MYH2: variants seen among roughly 807,000 people sequenced by gnomAD.
MYH2 encodes the protein myosin-2.
In MYH2, 139 loss-of-function variants were observed where a neutral mutation model predicts 228.1. The ratio of observed to expected loss-of-function variants is 0.61; its 90% CI spans 0.53 to 0.70. The LOEUF (loss-of-function observed/expected upper bound fraction) is 0.70. Among genes scored for constraint, MYH2 ranks in the 30% least tolerant of loss-of-function variants. The pLI, the probability that MYH2 is intolerant of heterozygous loss-of-function variation, is 0.00. For synonymous variants in MYH2, 796 were observed against 871.1 expected (o/e 0.91, Z 1.52); for missense variants, 1,809 against 2,357.5 (o/e 0.77, Z 4.82).
In MYH2 at chr17:10,537,507, G is replaced by A. The variant is rs764452246; in HGVS notation, c.1623C>T (p.Cys541=). Residue 541 remains cysteine (C), a synonymous_variant, in exon 16 of 40, where the codon TGC becomes TGT. Coordinates refer to ENST00000245503, the MANE Select transcript of MYH2 (RefSeq NM_017534.6). This position sits in a 1 kb window ranked among gnomAD's most constrained non-coding sequence, Gnocchi z 4.0. ...AGGTGTCTGTTGCCTTAGGGAACAT[G>A]CACTCCTCTTCCAGGATGGAGAAGA... ...MGIFSILEEE[C]MFPKATDTSF... 1.2e-6 allele frequency: 2 copies of A among 1,614,220 alleles called. No homozygotes were observed. The highest frequency in any genetic ancestry group is 2.2e-5 in the East Asian group (1 of 44,886).
Position 10,533,430 on chromosome 17 carries a change from G to A in MYH2, c.2305-9C>T, listed in dbSNP as rs758758278. 6.2e-7 allele frequency: 1 copy of A among 1,614,118 alleles called. No individual in the cohort carries two copies. The highest frequency in any genetic ancestry group is 2.2e-5 in the East Asian group (1 of 44,878). On this transcript the variant is annotated splice_polypyrimidine_tract_variant and intron_variant, in intron 20 of 39. Transcript: ENST00000245503. ...CCAGCTTTGAAAAAGACCTGTGAAT[G>A]GAAAGAGTTGCAAATCACAAGCTTT...
At position 10,525,009 on chromosome 17, in the gene MYH2, T is replaced by C. The variant is rs758644820; in HGVS notation, c.4719A>G (p.Gln1573=). 6.2e-7 allele frequency: 1 copy of C among 1,614,132 alleles called. No homozygotes were observed. The highest frequency in any genetic ancestry group is 1.1e-5 in the South Asian group (1 of 91,078). ...KILRIQLELN[Q]VKSEVDRKIA... The stretch of plus-strand genomic sequence containing the variant: ...TTTTCCTATCAACCTCAGACTTGAC[T>C]TGGTTCAACTCAAGCTGGATGCGCA... Residue 1573 remains glutamine, a synonymous_variant, in exon 34 of 40, where the codon CAA becomes CAG. Coordinates refer to ENST00000245503, the MANE Select transcript of MYH2 (RefSeq NM_017534.6). This position sits in a 1 kb window ranked among gnomAD's most constrained non-coding sequence, Gnocchi z 4.2.
chr17:10,536,477 G>A, intron 17 of MYH2, 53 bp downstream of exon 17: 1 of 1,492,204 alleles, frequency 6.7e-7, no homozygotes, highest in Admixed American at 1.7e-5. Flanking sequence ...ACAGACCCAT[G>A]TAAAAAAAAT....
chr17:10,543,560 G>C, intron 8 of MYH2, 151 bp downstream of exon 8: 1 of 1,188,592 alleles, frequency 8.4e-7, no homozygotes, highest in Non-Finnish European at 1.2e-6. Flanking sequence ...TCAAGATGGG[G>C]CTTTGATCTA....
Position 10,535,096 on chromosome 17 carries a change from G to A in MYH2, c.2157C>T (p.Ile719=), listed in dbSNP as rs1248599706. 2 of 1,614,104 alleles carry A rather than the reference G, an allele frequency of 1.2e-6. No homozygotes were observed. The highest frequency in any genetic ancestry group is 1.1e-5 in the South Asian group (1 of 91,090). The change falls in exon 19 of 40, where the codon ATC becomes ATT. Residue 719 remains isoleucine (I), a synonymous_variant. Transcript: ENST00000245503. ...ACCTCTGTTTGAAGTCTGCATAAAGGATTCTGCTTGGAAATCCTTTCCTAC... is the reference window on the plus strand; with the variant it reads ...ACCTCTGTTTGAAGTCTGCATAAAGAATTCTGCTTGGAAATCCTTTCCTAC... ...RICRKGFPSR[I]LYADFKQRYK...
chr17:10,537,418 A>G lies in MYH2; in HGVS notation c.1712T>C (p.Val571Ala). 1.2e-6 allele frequency: 2 copies of G among 1,614,050 alleles called. No individual in the cohort carries two copies. The highest frequency in any genetic ancestry group is 1.7e-6 in the Non-Finnish European group (2 of 1,180,008). ...GTGGGCCTCGGCCTTGCCTTTGACCACCTTGGGCTTCTGGAAGTTGGCAGA... is the reference window on the plus strand; with the variant it reads ...GTGGGCCTCGGCCTTGCCTTTGACCGCCTTGGGCTTCTGGAAGTTGGCAGA... ...GKSANFQKPKVVKGKAEAHFA... is the reference protein window; with the variant it reads ...GKSANFQKPKAVKGKAEAHFA... Residue 571 changes from valine to alanine, a missense_variant, in exon 16 of 40, where the codon GTG (valine) becomes GCG (alanine). Around this residue, in one of 9 missense-constraint regions of MYH2, gnomAD observed 41 missense variants for 35.1 expected, o/e 1.17. Coordinates refer to ENST00000245503, the MANE Select transcript of MYH2 (RefSeq NM_017534.6). The surrounding 1 kb of genome is among the most constrained non-coding windows in gnomAD (Gnocchi z 4.0).
chr17:10,529,030 C>T lies in MYH2; in HGVS notation c.3404G>A (p.Arg1135Gln), dbSNP rs151164070. ...EEEIEAERAS[R>Q]AKAEKQRSDL... is the part of the protein sequence containing the mutation. ...AGAGCGCTGCTTCTCTGCTTTGGCC[C>T]GGGAGGCCCGCTCTGCCTCGATTTC... is the stretch of plus-strand genomic sequence containing the variant. The change falls in exon 27 of 40, where the codon CGG becomes CAG. Residue 1135 changes from arginine to glutamine, a missense_variant. Transcript: ENST00000245503. 1.8e-5 allele frequency: 29 copies of T among 1,614,190 alleles called. No homozygotes were observed. Among genetic ancestry groups the T allele is most frequent in the East Asian group, 4.5e-5 (2 of 44,876 alleles).
rs889154655 is a variant in MYH2 at position 10,524,289 on chromosome 17, T to C, written c.5175+177A>G. 2.0e-5 allele frequency among the ~76,000 whole-genome samples: 3 copies of C among 152,208 alleles called. No individual in the cohort carries two copies. The highest frequency in any genetic ancestry group is 7.2e-5 in the African/African-American group (3 of 41,456). On this transcript the variant is annotated intron_variant, in intron 35 of 39. Transcript: ENST00000245503. This position sits in a 1 kb window ranked among gnomAD's most constrained non-coding sequence, Gnocchi z 4.7. The stretch of plus-strand genomic sequence containing the variant: ...AATATTATATGAAGCAAATCAACAA[T>C]AGTTTTTCAAAGCAAAACAGTGAAA...
At chr17:10,548,262 TTGAGCCTAAG>T in intron 2 of MYH2, among the ~76,000 whole-genome samples, 1 of 152,348 alleles carries the variant, frequency 6.6e-6, no homozygotes, top group South Asian at 2.1e-4. Flanking sequence ...CTTGATGTTT[TTGAGCCTAAG>T]TGACTCCATC....
chr17:10,530,533 A>ATATTT (rs1555570633), intron 22 of MYH2, among the ~76,000 whole-genome samples: 2 of 148,840 alleles, frequency 1.3e-5, no homozygotes, highest in African/African-American at 4.9e-5. Flanking sequence ...GCTGCTACTG[A>ATATTT]TTTTTTTTTT....
rs1254393512 is a variant in MYH2 at position 10,537,450 on chromosome 17, C to T, written c.1680G>A (p.Leu560=). 2 of 1,614,178 alleles carry T rather than the reference C, an allele frequency of 1.2e-6. No individual in the cohort carries two copies. Among genetic ancestry groups the T allele is most frequent in the South Asian group, 1.1e-5 (1 of 91,076 alleles). The change falls in exon 16 of 40, where the codon CTG becomes CTA. Residue 560 remains leucine (L), a synonymous_variant. Transcript: ENST00000245503. The surrounding 1 kb of genome is among the most constrained non-coding windows in gnomAD (Gnocchi z 4.0). ...GCTTCTGGAAGTTGGCAGACTTGCC[C>T]AGGTGCTGGTCATACAGCTTGTTCT... ...SFKNKLYDQH[L]GKSANFQKPK... is the part of the protein sequence containing the mutation.
Position 10,537,177 on chromosome 17 carries a change from A to T in MYH2, c.1897+56T>A. On this transcript the variant is annotated intron_variant, in intron 16 of 39. Transcript: ENST00000245503. The surrounding 1 kb of genome is among the most constrained non-coding windows in gnomAD (Gnocchi z 4.0). ...CCAGACCTAAGAGATCACTAGCTTC[A>T]ATTTAACATCACATTTTGTAATACC... is the stretch of plus-strand genomic sequence containing the variant. The T allele has an allele frequency of 1.2e-6, 2 of 1,609,562 alleles. No homozygotes were observed.
At chr17:10,531,006 T>C (rs1315653228) in intron 22 of MYH2, among the ~76,000 whole-genome samples, 1 of 152,180 alleles carries the variant, frequency 6.6e-6, no homozygotes, top group Admixed American at 6.5e-5. Flanking sequence ...AGTTCTAAAA[T>C]GATTGGTTCA....
In MYH2 at chr17:10,537,384, C is replaced by T. The variant is rs778765592; in HGVS notation, c.1746G>A (p.Leu582=). ...AGTCCACAACACCAGCATAGTGAAT[C>T]AGAGCGAAGTGGGCCTCGGCCTTGC... The part of the protein sequence containing the change: ...VKGKAEAHFA[L]IHYAGVVDYN... Residue 582 remains leucine (L), a synonymous_variant, in exon 16 of 40, where the codon CTG becomes CTA. Transcript: ENST00000245503. The surrounding 1 kb of genome is among the most constrained non-coding windows in gnomAD (Gnocchi z 4.0). 1.4e-5 allele frequency: 23 copies of T among 1,614,202 alleles called. No homozygotes were observed. The Admixed American group carries it at 3.8e-4, about 27-fold the overall frequency.
In MYH2 at chr17:10,537,957, G is replaced by A; in HGVS notation, c.1417-122C>T. 6.6e-7 allele frequency: 1 copy of A among 1,513,356 alleles called. No homozygotes were observed. Among genetic ancestry groups the A allele is most frequent in the South Asian group, 1.2e-5 (1 of 82,708 alleles). The allele number at this position is 1,513,356 out of a possible 1,614,324, so 93.7% of individuals were successfully genotyped here. A position where few individuals can be genotyped will look rare whatever the true frequency, so the allele number is the denominator to read the frequency against. On this transcript the variant is annotated intron_variant, in intron 14 of 39. Coordinates refer to ENST00000245503, the MANE Select transcript of MYH2 (RefSeq NM_017534.6). The surrounding 1 kb of genome is among the most constrained non-coding windows in gnomAD (Gnocchi z 4.0). ...TTATATTACAGATATTAAAATCACTGGGTTAAAGAGACTTTGAAATAAAAG... is the reference window on the plus strand; with the variant it reads ...TTATATTACAGATATTAAAATCACTAGGTTAAAGAGACTTTGAAATAAAAG...
intron 10 of MYH2, 63 bp downstream of exon 10, chr17:10,542,812 T>A: frequency 1.8e-6 from 2 of 1,118,580 alleles, no homozygotes; most frequent in Non-Finnish European, 2.7e-6. Flanking sequence ...GAATACTAGG[T>A]TGGACTGTGC....
intron 19 of MYH2, 103 bp from the exon 20 acceptor site, chr17:10,533,735 T>C (rs2073451879): frequency 7.0e-7 from 1 of 1,434,768 alleles, no homozygotes; most frequent in African/African-American, 1.4e-5. Flanking sequence ...TAAAAAAATA[T>C]TATTCTTTGT....
At position 10,539,515 on chromosome 17, in the gene MYH2, GCA is replaced by G; in HGVS notation, c.1193_1194del (p.Leu398ProfsTer14). On this transcript the variant is annotated frameshift_variant, in exon 13 of 40. Coordinates refer to ENST00000245503, the MANE Select transcript of MYH2 (RefSeq NM_017534.6). LOFTEE classifies it high-confidence loss of function. ...ACCCTGGGGTAGCAGAGAGCTTTGA[GCA>G]GATCTGCAGAGTTCAGACTCTGGAG... Reference protein sequence around the residue: ...AYLQSLNSADLLKALCYPRVK... With the variant: ...AYLQSLNSADXLKALCYPRVK... 1 of 1,614,174 alleles carries G rather than the reference GCA, an allele frequency of 6.2e-7. No homozygotes were observed. Among genetic ancestry groups the G allele is most frequent in the Non-Finnish European group, 8.5e-7 (1 of 1,180,044 alleles).
chr17:10,533,513 G>A lies in MYH2; in HGVS notation c.2300C>T (p.Thr767Ile). ...GTAGGATTTACAGAAAATTACCTTG[G>A]TGTGCCCAAATTTATACTGGGTGTG... ...IDHTQYKFGH[T>I]KVFFKAGLLG... The change falls in exon 20 of 40, where the codon ACC becomes ATC. Residue 767 changes from threonine (T) to isoleucine (I), a missense_variant. Thr to Ile is a moderately conservative substitution (Grantham distance 89, BLOSUM62 -1). Transcript: ENST00000245503. 5.0e-6 allele frequency: 8 copies of A among 1,614,170 alleles called. No individual in the cohort carries two copies. Among genetic ancestry groups the A allele is most frequent in the Non-Finnish European group, 6.8e-6 (8 of 1,180,026 alleles).
Sources: allele counts gnomAD v4.1 joint callset (sites outside exome capture counted in the v4.1 genomes callset), GRCh38; gene constraint gnomAD v4.1.1; regional missense constraint gnomAD v4.1.1; non-coding constraint Gnocchi (gnomAD v3.1); transcripts MANE v1.5; gene names NCBI Gene and HGNC (gene_info 2026-07-23, HGNC 2026-07-21).